The following PLEKHH2 variants were observed in gnomAD, a reference collection of about 807,000 sequenced individuals.
PLEKHH2 encodes the protein pleckstrin homology, MyTH4 and FERM domain containing H2.
A neutral mutation model predicts 187.9 loss-of-function variants in PLEKHH2; 129 were observed. The ratio of observed to expected loss-of-function variants is 0.69; its 90% CI spans 0.59 to 0.79. The LOEUF (loss-of-function observed/expected upper bound fraction) is 0.79. Ranked by LOEUF, PLEKHH2 falls within the 30% of genes least tolerant of loss-of-function variation. PLEKHH2 has a pLI of 0.00. For synonymous variants in PLEKHH2, 686 were observed against 605.6 expected, an observed-to-expected ratio of 1.13 and a Z score of -1.95; for missense variants, 2,076 against 1,751.2, an observed-to-expected ratio of 1.19 and a Z score of -3.31.
At chr2:43,715,868 G>C (rs1670186476) in intron 15 of PLEKHH2, among the ~76,000 whole-genome samples, 1 of 152,076 alleles carries the variant, frequency 6.6e-6, no homozygotes, top group Non-Finnish European at 1.5e-5. Flanking sequence ...AAGGATTCGA[G>C]GAATCATCAG....
At chr2:43,739,760 T>G (rs908731610) in intron 20 of PLEKHH2, among the ~76,000 whole-genome samples, 1 of 152,138 alleles carries the variant, frequency 6.6e-6, no homozygotes, top group Admixed American at 6.5e-5. Flanking sequence ...GCCCCATCCT[T>G]CAAACACACT....
chr2:43,732,046 C>T (rs1036688826), intron 19 of PLEKHH2, among the ~76,000 whole-genome samples: 4 of 152,148 alleles, frequency 2.6e-5, no homozygotes, highest in Non-Finnish European at 4.4e-5. Flanking sequence ...TCCCTATCAT[C>T]AGTTACCTTC....
intron 19 of PLEKHH2, among the ~76,000 whole-genome samples, chr2:43,735,198 G>GA (rs1430842890): frequency 2.0e-5 from 3 of 151,388 alleles, no homozygotes; most frequent in Non-Finnish European, 4.4e-5. Flanking sequence ...TCAAAAAAAA[G>GA]AAAAAAATGT....
chr2:43,701,424 C>T (rs1669356206), intron 8 of PLEKHH2, among the ~76,000 whole-genome samples: 1 of 152,086 alleles, frequency 6.6e-6, no homozygotes. Flanking sequence ...CAGCAGTGTT[C>T]AATTACTGGA....
Position 43,726,391 on chromosome 2 carries a change from C to A in PLEKHH2, c.2661C>A (p.Ile887=), listed in dbSNP as rs139893812. The change falls in exon 17 of 30, where the codon ATC becomes ATA. Residue 887 remains isoleucine (I), a synonymous_variant. Coordinates refer to ENST00000282406, the MANE Select transcript of PLEKHH2 (RefSeq NM_172069.4). ...GRSLLSTHYT[I]VIHPKDQGPT... is the part of the protein sequence containing the mutation. ...GTCTGTTATCCACACATTATACTAT[C>A]GTTATCCATCCCAAAGACCAAGGTC... 1.6e-5 allele frequency: 26 copies of A among 1,611,162 alleles called. No individual in the cohort carries two copies. In the Middle Eastern group the frequency reaches 8.2e-4, roughly 51 times the overall value.
At chr2:43,756,890 A>C (rs1672233534) in intron 25 of PLEKHH2, among the ~76,000 whole-genome samples, 1 of 152,182 alleles carries the variant, frequency 6.6e-6, no homozygotes, top group East Asian at 1.9e-4. Context: ...CAGAGGTTGC[A>C]ATGAGCCTGG....
At chr2:43,684,233 C>T (rs1206944747) in intron 3 of PLEKHH2, among the ~76,000 whole-genome samples, 1 of 150,806 alleles carries the variant, frequency 6.6e-6, no homozygotes, top group Non-Finnish European at 1.5e-5. Context: ...CCTTCTTTTT[C>T]CTTCATTGTC....
At chr2:43,643,416 C>T (rs1225389557) in intron 1 of PLEKHH2, among the ~76,000 whole-genome samples, 6 of 152,022 alleles carry the variant, frequency 3.9e-5, no homozygotes, top group East Asian at 3.9e-4. Context: ...TTATTTCTAA[C>T]GTACTGAATA....
intron 27 of PLEKHH2, among the ~76,000 whole-genome samples, chr2:43,759,986 T>G (rs1165260281): frequency 2.0e-5 from 3 of 152,206 alleles, no homozygotes; most frequent in African/African-American, 7.2e-5. Flanking sequence ...CTAGTGGAAC[T>G]GAAAGCTGTA....
At chr2:43,725,911 G>T (rs139003269) in intron 16 of PLEKHH2, among the ~76,000 whole-genome samples, 2 of 152,082 alleles carry the variant, frequency 1.3e-5, no homozygotes, top group South Asian at 2.1e-4. Context: ...AGGAGTCTGA[G>T]ACTGGCCTGG....
At chr2:43,655,904 T>C (rs10177214) in intron 2 of PLEKHH2, among the ~76,000 whole-genome samples, 2,026 of 152,258 alleles carry the variant, frequency 0.013, 39 homozygotes, top group African/African-American at 0.047. Context: ...TTCTAAAGGT[T>C]AACTTATCAT....
At chr2:43,653,457 T>G (rs1017032585) in intron 2 of PLEKHH2, among the ~76,000 whole-genome samples, 2 of 152,204 alleles carry the variant, frequency 1.3e-5, no homozygotes, top group African/African-American at 4.8e-5. Context: ...GAATTTTATT[T>G]GAAGGTAGAA....
At chr2:43,729,824 C>A in intron 18 of PLEKHH2, 79 bp downstream of exon 18, 1 of 902,746 alleles carries the variant, frequency 1.1e-6, no homozygotes. Context: ...GGAGTTTTCA[C>A]TTAATGGGTT....
chr2:43,691,987 G>C (rs1292110917), intron 3 of PLEKHH2, among the ~76,000 whole-genome samples: 1 of 152,108 alleles, frequency 6.6e-6, no homozygotes, highest in Non-Finnish European at 1.5e-5. Context: ...CCTATATCTA[G>C]ACTCTAATAC....
chr2:43,708,360 C>G (rs1459568323), intron 11 of PLEKHH2, among the ~76,000 whole-genome samples: 1 of 152,196 alleles, frequency 6.6e-6, no homozygotes, highest in Non-Finnish European at 1.5e-5. Flanking sequence ...CTCACTGGCC[C>G]TCTTGCTGTT....
At chr2:43,666,707 A>T (rs1667236229) in intron 2 of PLEKHH2, among the ~76,000 whole-genome samples, 1 of 152,196 alleles carries the variant, frequency 6.6e-6, no homozygotes, top group Non-Finnish European at 1.5e-5. Context: ...ATGACTAATG[A>T]TGTTGACCAT....
At chr2:43,741,670 T>C (rs1207244572) in intron 21 of PLEKHH2, among the ~76,000 whole-genome samples, 1 of 152,074 alleles carries the variant, frequency 6.6e-6, no homozygotes, top group African/African-American at 2.4e-5. Context: ...TTGGAAGCAA[T>C]AGGAAAATAT....
Position 43,695,133 on chromosome 2 carries a change from G to A in PLEKHH2, c.421-10G>A. 1 of 1,531,628 alleles carries A rather than the reference G, an allele frequency of 6.5e-7. No individual in the cohort carries two copies. Among genetic ancestry groups the A allele is most frequent in the South Asian group, 1.2e-5 (1 of 83,092 alleles). 94.9% of individuals were successfully genotyped at this position (1,531,628 alleles called of 1,614,324 possible). On this transcript the variant is annotated splice_polypyrimidine_tract_variant and intron_variant, in intron 5 of 29. Transcript: ENST00000282406. ...CTCTATATGAAAAGAATACCATTAT[G>A]TTCTCTTAGCTGGAATTGGAGAATC...
intron 6 of PLEKHH2, among the ~76,000 whole-genome samples, chr2:43,696,309 C>CA (rs1295455090): frequency 2.6e-5 from 4 of 151,752 alleles, no homozygotes; most frequent in East Asian, 1.9e-4. Flanking sequence ...CCCATCGCTA[C>CA]AAAAAAAGTT....
Sources: gnomAD v4.1 joint callset for allele counts (sites outside exome capture counted in the v4.1 genomes callset) on GRCh38, gnomAD v4.1.1 for gene constraint, MANE v1.5 for transcripts, NCBI Gene and HGNC (gene_info 2026-07-23, HGNC 2026-07-21) for gene names.